The following TNFSF4 variants were observed in gnomAD, a reference collection of about 807,000 sequenced individuals.
TNFSF4 encodes the protein TNF superfamily member 4.
Under a neutral mutation model 7.3 loss-of-function variants are expected in TNFSF4, and 4 were observed. The observed-to-expected ratio is 0.55, with a 90% CI of 0.27 to 1.25. The LOEUF (loss-of-function observed/expected upper bound fraction) is 1.25. Ranked by LOEUF, TNFSF4 falls within the 50% of genes most tolerant of loss-of-function variation. The probability of loss-of-function intolerance (pLI) is 0.12; values close to 1 mark genes in which losing one functional copy is unlikely to be tolerated. For missense variants in TNFSF4, 181 were observed against 208.8 expected (o/e 0.87, Z 0.82); for synonymous variants, 76 against 83.7 (o/e 0.91, Z 0.50).
the TNFSF4 span, among the ~76,000 whole-genome samples, chr1:173,239,108 C>T: frequency 6.6e-6 from 1 of 152,172 alleles, no homozygotes; most frequent in South Asian, 2.1e-4. Flanking sequence ...AATATCCATT[C>T]TTGGCACTCA....
chr1:173,229,127 G>A, the TNFSF4 span, among the ~76,000 whole-genome samples: 1 of 152,214 alleles, frequency 6.6e-6, no homozygotes, highest in Non-Finnish European at 1.5e-5. Flanking sequence ...ACACATAATT[G>A]TCAGATTCAC....
chr1:173,233,566 A>T, the TNFSF4 span, among the ~76,000 whole-genome samples: 8 of 152,230 alleles, frequency 5.3e-5, no homozygotes, highest in African/African-American at 1.9e-4. Context: ...TTGCAGGAAT[A>T]AAGGTTACCT....
upstream of TNFSF4, among the ~76,000 whole-genome samples, chr1:173,208,449 G>T (rs1245741879): frequency 6.6e-6 from 1 of 152,016 alleles, no homozygotes; most frequent in Non-Finnish European, 1.5e-5. Flanking sequence ...TGGAAATGAG[G>T]CATACTTAAA....
the TNFSF4 span, among the ~76,000 whole-genome samples, chr1:173,352,787 T>G: frequency 6.6e-6 from 1 of 151,792 alleles, no homozygotes; most frequent in African/African-American, 2.4e-5. Flanking sequence ...CTAGCAAGCC[T>G]GGGGGTGCTG....
the TNFSF4 span, among the ~76,000 whole-genome samples, chr1:173,420,576 C>A: frequency 6.6e-6 from 1 of 152,004 alleles, no homozygotes. Flanking sequence ...CCCTACCCTC[C>A]GGTTTTATAT....
chr1:173,264,974 G>A, the TNFSF4 span, among the ~76,000 whole-genome samples: 1 of 152,190 alleles, frequency 6.6e-6, no homozygotes, highest in Admixed American at 6.5e-5. Flanking sequence ...ACAACACAAG[G>A]CAAAATACCT....
the TNFSF4 span, among the ~76,000 whole-genome samples, chr1:173,422,531 C>T: frequency 6.6e-6 from 1 of 152,106 alleles, no homozygotes; most frequent in East Asian, 1.9e-4. Flanking sequence ...AAAAGGGGAA[C>T]CTTGGCCAGT....
the TNFSF4 span, chr1:173,363,356 G>T: frequency 3.2e-6 from 1 of 311,798 alleles, no homozygotes; most frequent in Non-Finnish European, 6.5e-6. Context: ...GCTATCAACT[G>T]AGATATCAGT....
At chr1:173,326,715 C>G in the TNFSF4 span, among the ~76,000 whole-genome samples, 10 of 152,252 alleles carry the variant, frequency 6.6e-5, no homozygotes, top group East Asian at 1.9e-3. Flanking sequence ...CATTCTTATA[C>G]ACCAATAACA....
the TNFSF4 span, among the ~76,000 whole-genome samples, chr1:173,421,880 T>C: frequency 2.0e-5 from 3 of 152,206 alleles, no homozygotes; most frequent in African/African-American, 7.2e-5. Context: ...AACTGTAATG[T>C]CATTGCACTA....
chr1:173,219,303 T>C, the TNFSF4 span, among the ~76,000 whole-genome samples: 1 of 152,204 alleles, frequency 6.6e-6, no homozygotes, highest in Non-Finnish European at 1.5e-5. Context: ...GACTTAAATA[T>C]AATCCTCAAG....
At chr1:173,430,700 CTCTG>C in the TNFSF4 span, among the ~76,000 whole-genome samples, 17 of 152,314 alleles carry the variant, frequency 1.1e-4, no homozygotes, top group Admixed American at 1.3e-4. Flanking sequence ...TAATGTCATA[CTCTG>C]TCTGCACAAA....
At chr1:173,324,226 A>G in the TNFSF4 span, among the ~76,000 whole-genome samples, 22 of 152,236 alleles carry the variant, frequency 1.4e-4, no homozygotes, top group African/African-American at 5.1e-4. Flanking sequence ...CTTAAAGAAA[A>G]GAATTTTCAA....
the TNFSF4 span, among the ~76,000 whole-genome samples, chr1:173,407,299 C>T: frequency 4.6e-5 from 7 of 151,860 alleles, no homozygotes; most frequent in Non-Finnish European, 8.8e-5. Flanking sequence ...TCTGGCCAGG[C>T]GCGGTGGCTC....
At chr1:173,331,876 T>C in the TNFSF4 span, among the ~76,000 whole-genome samples, 3 of 152,160 alleles carry the variant, frequency 2.0e-5, no homozygotes, top group Admixed American at 6.5e-5. Context: ...TCAAGATCAG[T>C]GGTTCTCAAA....
chr1:173,394,935 TAGATAGATAGAC>T, the TNFSF4 span, among the ~76,000 whole-genome samples: 55 of 150,458 alleles, frequency 3.7e-4, no homozygotes, highest in African/African-American at 1.3e-3. Flanking sequence ...GATAGATAGA[TAGATAGATAGAC>T]AGACAGACAG....
At chr1:173,249,827 G>A in the TNFSF4 span, among the ~76,000 whole-genome samples, 119 of 152,310 alleles carry the variant, frequency 7.8e-4, no homozygotes, top group African/African-American at 2.7e-3. Flanking sequence ...AGCAGGAAGA[G>A]ATAATGCATC....
At chr1:173,186,918 G>T in intron 2 of TNFSF4, 53 bp from the exon 3 acceptor site, 2 of 1,218,376 alleles carry the variant, frequency 1.6e-6, no homozygotes, top group Middle Eastern at 2.3e-4. Flanking sequence ...ATAGAATTGG[G>T]CAACAACCTT....
At chr1:173,199,854 A>T (rs1046723945) in intron 1 of TNFSF4, among the ~76,000 whole-genome samples, 1 of 152,124 alleles carries the variant, frequency 6.6e-6, no homozygotes, top group Non-Finnish European at 1.5e-5. Flanking sequence ...ATTTAAAAAA[A>T]ATGCAGAGGA....
Sources: allele counts gnomAD v4.1 joint callset (sites outside exome capture counted in the v4.1 genomes callset), GRCh38; gene constraint gnomAD v4.1.1; transcripts MANE v1.5; gene names NCBI Gene and HGNC (gene_info 2026-07-23, HGNC 2026-07-21).